Variants in FRMD4A observed in about 807,000 individuals in gnomAD.
FRMD4A encodes the protein FERM domain containing 4A.
A neutral mutation model predicts 129.1 loss-of-function variants in FRMD4A; 29 were observed. The observed-to-expected ratio is 0.22, with a 90% CI of 0.17 to 0.31. The LOEUF (loss-of-function observed/expected upper bound fraction) is 0.31. Ranked by LOEUF, FRMD4A falls within the 10% of genes least tolerant of loss-of-function variation. The probability of loss-of-function intolerance (pLI) is 1.00; values close to 1 mark genes in which losing one functional copy is unlikely to be tolerated. For missense variants in FRMD4A, 1,272 were observed against 1,375.8 expected (o/e 0.92, Z 1.19); for synonymous variants, 634 against 571.6 (o/e 1.11, Z -1.56).
intron 15 of FRMD4A, among the ~76,000 whole-genome samples, chr10:13,690,316 T>C (rs2085561306): frequency 6.6e-6 from 1 of 152,212 alleles, no homozygotes; most frequent in African/African-American, 2.4e-5. Context: ...TTGCAAGGGA[T>C]GTCGAATCAG....
chr10:13,778,597 A>ATG (rs1356698255), intron 6 of FRMD4A, among the ~76,000 whole-genome samples: 3 of 95,814 alleles, frequency 3.1e-5, no homozygotes, highest in Non-Finnish European at 6.7e-5. Context: ...TACCATTCCA[A>ATG]CGTGTGTGTG....
intron 2 of FRMD4A, among the ~76,000 whole-genome samples, chr10:13,956,495 G>T (rs1051224414): frequency 6.6e-6 from 1 of 152,172 alleles, no homozygotes; most frequent in African/African-American, 2.4e-5. Flanking sequence ...TTTTGACCCC[G>T]TTTAACAGAA....
intron 22 of FRMD4A, among the ~76,000 whole-genome samples, chr10:13,656,334 A>G (rs941636737): frequency 2.0e-5 from 3 of 151,920 alleles, no homozygotes; most frequent in Non-Finnish European, 4.4e-5. Flanking sequence ...CTTTTACTTT[A>G]CCTAACTAAC....
chr10:14,194,510 C>T (rs2131928344), intron 2 of FRMD4A, among the ~76,000 whole-genome samples: 1 of 152,302 alleles, frequency 6.6e-6, no homozygotes, highest in East Asian at 1.9e-4. Flanking sequence ...ACTCGGGAGG[C>T]TGAGGCAGGA....
intron 3 of FRMD4A, among the ~76,000 whole-genome samples, chr10:13,823,099 C>T (rs1376977383): frequency 1.3e-5 from 2 of 152,218 alleles, no homozygotes; most frequent in Non-Finnish European, 2.9e-5. Context: ...GACTGATACC[C>T]ATGTGGGAGG....
chr10:13,772,893 A>G (rs1459855929), intron 6 of FRMD4A, among the ~76,000 whole-genome samples: 1 of 152,212 alleles, frequency 6.6e-6, no homozygotes, highest in Non-Finnish European at 1.5e-5. Context: ...TGATAGCACA[A>G]CAGGGTAACT....
chr10:13,849,628 C>T (rs7907735), intron 3 of FRMD4A, among the ~76,000 whole-genome samples: 74,570 of 150,814 alleles, frequency 0.49, 18,512 homozygotes, highest in East Asian at 0.61. Context: ...TACAGGCATG[C>T]ACCACCATGC....
At chr10:14,163,132 C>T (rs558532845) in intron 2 of FRMD4A, among the ~76,000 whole-genome samples, 1 of 152,152 alleles carries the variant, frequency 6.6e-6, no homozygotes, top group Non-Finnish European at 1.5e-5. Context: ...AACAAAAAAA[C>T]CCCGATGAAG....
chr10:14,254,247 C>T (rs1253814153), intron 2 of FRMD4A, among the ~76,000 whole-genome samples: 1 of 152,250 alleles, frequency 6.6e-6, no homozygotes, highest in Non-Finnish European at 1.5e-5. Flanking sequence ...CTTCCAGAAA[C>T]TCATCACTAT....
At chr10:13,714,043 T>TTTTATATAC (rs2088490387) in intron 12 of FRMD4A, among the ~76,000 whole-genome samples, 4 of 5,936 alleles carry the variant, frequency 6.7e-4, no homozygotes, top group Non-Finnish European at 1.4e-3. Context: ...TATATATATA[T>TTTTATATAC]ATATATATAT....
chr10:13,714,638 GACAT>G lies in FRMD4A; in HGVS notation c.760-7529_760-7526del, dbSNP rs970301794. ...GCTTACAATCTACTTGGGAAGACAAGACATACATAAAGTAGCTGTATTCATGCTA... is the reference window on the plus strand; with the variant it reads ...GCTTACAATCTACTTGGGAAGACAAGACATAAAGTAGCTGTATTCATGCTA... On this transcript the variant is annotated intron_variant, in intron 12 of 24. Coordinates refer to ENST00000357447, the MANE Select transcript of FRMD4A (RefSeq NM_018027.5). Among the ~76,000 whole-genome samples the G allele has an allele frequency of 7.9e-5, 12 of 152,182 alleles. No homozygotes were observed. The South Asian group carries it at 2.5e-3, about 32-fold the overall frequency.
chr10:14,128,396 G>A (rs745438369), intron 2 of FRMD4A, among the ~76,000 whole-genome samples: 4 of 152,112 alleles, frequency 2.6e-5, no homozygotes, highest in African/African-American at 4.8e-5. Flanking sequence ...GAGCCACCCC[G>A]CCCAGCATAT....
intron 2 of FRMD4A, among the ~76,000 whole-genome samples, chr10:13,999,839 A>G (rs2095635285): frequency 6.6e-6 from 1 of 152,222 alleles, no homozygotes; most frequent in African/African-American, 2.4e-5. Context: ...AGGACTGGTG[A>G]TGACACGGAT....
In FRMD4A at chr10:13,760,608, C is replaced by A. The variant is rs1412513130; in HGVS notation, c.464+1039G>T. Among the ~76,000 whole-genome samples, 3 of 152,222 alleles carry A rather than the reference C, an allele frequency of 2.0e-5. No individual in the cohort carries two copies. The East Asian group carries it at 5.8e-4, about 29-fold the overall frequency. The stretch of plus-strand genomic sequence containing the variant: ...GAGAAAGCAGTTGAGACCTGAAAAA[C>A]CAGTGACAAAGACAGCCAACTACAG... On this transcript the variant is annotated intron_variant, in intron 8 of 24. Coordinates refer to ENST00000357447, the MANE Select transcript of FRMD4A (RefSeq NM_018027.5).
At chr10:13,965,516 GT>G (rs1417736906) in intron 2 of FRMD4A, among the ~76,000 whole-genome samples, 1 of 152,090 alleles carries the variant, frequency 6.6e-6, no homozygotes, top group Admixed American at 6.5e-5. Context: ...ACCATATAAT[GT>G]TTTCTTTATT....
intron 2 of FRMD4A, among the ~76,000 whole-genome samples, chr10:14,185,092 A>G (rs758390172): frequency 1.3e-5 from 2 of 152,184 alleles, no homozygotes; most frequent in Non-Finnish European, 2.9e-5. Context: ...GCCCCTCCAT[A>G]TGCTGATCAT....
chr10:14,080,418 GC>G (rs1209909223), intron 2 of FRMD4A, among the ~76,000 whole-genome samples: 2 of 151,954 alleles, frequency 1.3e-5, no homozygotes, highest in African/African-American at 4.8e-5. Flanking sequence ...TAGGAAGGGA[GC>G]CCCCACCTGC....
chr10:13,659,978 C>A (rs2082504548), intron 20 of FRMD4A, among the ~76,000 whole-genome samples: 4 of 152,196 alleles, frequency 2.6e-5, no homozygotes, highest in Admixed American at 2.6e-4. Context: ...AGTTCTGAAC[C>A]ACTCTGCATT....
intron 5 of FRMD4A, among the ~76,000 whole-genome samples, chr10:13,792,630 T>G (rs1471563080): frequency 6.6e-6 from 1 of 152,226 alleles, no homozygotes; most frequent in East Asian, 1.9e-4. Flanking sequence ...CTGCAAAGAT[T>G]AACAATCAGC....
Sources: allele counts gnomAD v4.1 joint callset (sites outside exome capture counted in the v4.1 genomes callset), GRCh38; gene constraint gnomAD v4.1.1; transcripts MANE v1.5; gene names NCBI Gene and HGNC (gene_info 2026-07-23, HGNC 2026-07-21).